The following SNTG1 variants were observed in gnomAD, a reference collection of about 807,000 sequenced individuals.
SNTG1 encodes syntrophin gamma 1.
SNTG1 carries 39 observed loss-of-function variants against 74.7 expected under a neutral mutation model. The observed-to-expected ratio is 0.52, with a 90% CI of 0.40 to 0.68. The LOEUF is 0.68. Among genes scored for constraint, SNTG1 ranks in the 30% least tolerant of loss-of-function variants. The pLI is 0.00. For missense variants in SNTG1, 685 were observed against 609.5 expected, an observed-to-expected ratio of 1.12 and a Z score of -1.30; for synonymous variants, 254 against 217.1, an observed-to-expected ratio of 1.17 and a Z score of -1.49.
chr8:50,456,893 C>G (rs2093511483), intron 8 of SNTG1: 1 of 152,224 alleles, frequency 6.6e-6, no homozygotes, highest in South Asian at 2.1e-4. Context: ...GGTGAGCCTG[C>G]AATCCCTTCA....
rs534154650 is a variant in SNTG1, at chr8:49,956,405, A to C, written c.-103+44174A>C. 6.4e-4 allele frequency among the ~76,000 whole-genome samples: 98 copies of C among 152,292 alleles called. 1 individual carries two copies. Among genetic ancestry groups the C allele is most frequent in the African/African-American group, 2.2e-3 (90 of 41,564 alleles). The stretch of plus-strand genomic sequence containing the variant: ...TCAACTTTATTTTGCTATTTTATAC[A>C]GTGGTTCTAGCATATCTCCTCAGTG... On this transcript the variant is annotated intron_variant, in intron 1 of 18. Coordinates refer to ENST00000642720, the MANE Select transcript of SNTG1 (RefSeq NM_018967.5).
chr8:50,548,838 T>C (rs999193555), intron 11 of SNTG1, among the ~76,000 whole-genome samples: 2 of 152,192 alleles, frequency 1.3e-5, no homozygotes, highest in Non-Finnish European at 2.9e-5. Context: ...ATAATACAAC[T>C]GGTATTTTTA....
In SNTG1 at chr8:50,221,514, C is replaced by T. The variant is rs771702962; in HGVS notation, c.-28+48879C>T. On this transcript the variant is annotated intron_variant, in intron 2 of 18. Transcript: ENST00000642720. ...TGCTACCCCTCCCAACACACACATA[C>T]ACACACACACACACACACACACACA... Among the ~76,000 whole-genome samples, 206 of 64,406 alleles carry T rather than the reference C, an allele frequency of 3.2e-3. 1 individual carries two copies. The highest frequency in any genetic ancestry group is 5.9e-3 in the Non-Finnish European group (176 of 29,760). The allele number at this position is 64,406 out of a possible 152,430, so 42.3% of individuals were successfully genotyped here. A position where few individuals can be genotyped will look rare whatever the true frequency, so the allele number is the denominator to read the frequency against.
intron 1 of SNTG1, among the ~76,000 whole-genome samples, chr8:49,940,464 T>C (rs1205249111): frequency 2.0e-5 from 3 of 152,164 alleles, no homozygotes; most frequent in Admixed American, 2.0e-4. Context: ...CTGCTTTATC[T>C]CTTAACTTGA....
At chr8:50,713,505 A>G (rs1454969854) in intron 17 of SNTG1, among the ~76,000 whole-genome samples, 1 of 152,056 alleles carries the variant, frequency 6.6e-6, no homozygotes, top group Non-Finnish European at 1.5e-5. Flanking sequence ...TCTTTAGTTT[A>G]ATGAGATCCC....
chr8:50,264,865 A>G (rs1023327686), intron 2 of SNTG1, among the ~76,000 whole-genome samples: 3 of 152,056 alleles, frequency 2.0e-5, no homozygotes, highest in South Asian at 2.1e-4. Flanking sequence ...CTCTATGTCA[A>G]CAAATTAGAT....
At chr8:50,614,804 C>A (rs998683688) in intron 13 of SNTG1, among the ~76,000 whole-genome samples, 1 of 151,946 alleles carries the variant, frequency 6.6e-6, no homozygotes, top group Admixed American at 6.6e-5. Context: ...GTTCCATTAG[C>A]AAAACCATGA....
chr8:50,077,875 T>G (rs113885756), intron 1 of SNTG1, among the ~76,000 whole-genome samples: 3 of 152,196 alleles, frequency 2.0e-5, no homozygotes, highest in African/African-American at 7.2e-5. Context: ...AGTTTTATAG[T>G]TCCAACTCTT....
intron 5 of SNTG1, among the ~76,000 whole-genome samples, chr8:50,440,156 C>CCA (rs1215930817): frequency 2.0e-4 from 31 of 151,356 alleles, no homozygotes; most frequent in Admixed American, 6.6e-5. Context: ...CAATTATTGA[C>CCA]CAAAAAGTGG....
intron 8 of SNTG1, among the ~76,000 whole-genome samples, chr8:50,484,550 G>A (rs1411896906): frequency 6.6e-6 from 1 of 150,964 alleles, no homozygotes. Context: ...CTCTACTTCA[G>A]TATCCTGCCT....
intron 13 of SNTG1, among the ~76,000 whole-genome samples, chr8:50,611,152 T>C (rs571639924): frequency 1.1e-4 from 17 of 152,302 alleles, no homozygotes; most frequent in Middle Eastern, 3.4e-3. Flanking sequence ...AGTGGTTATA[T>C]GTACAAGAAT....
chr8:49,913,594 G>A (rs930404724), intron 1 of SNTG1, among the ~76,000 whole-genome samples: 1 of 152,178 alleles, frequency 6.6e-6, no homozygotes, highest in Non-Finnish European at 1.5e-5. Context: ...TGGGGGCTCC[G>A]TTGCCCTATA....
chr8:49,943,769 T>C (rs983834361), intron 1 of SNTG1, among the ~76,000 whole-genome samples: 1 of 152,250 alleles, frequency 6.6e-6, no homozygotes, highest in Non-Finnish European at 1.5e-5. Flanking sequence ...GAGTCTTTCT[T>C]GGAAAAGCAA....
intron 1 of SNTG1, among the ~76,000 whole-genome samples, chr8:49,948,414 T>C (rs1478961931): frequency 6.6e-6 from 1 of 152,196 alleles, no homozygotes; most frequent in Non-Finnish European, 1.5e-5. Context: ...AGATTGTAGA[T>C]CTATTGTTGT....
chr8:50,523,864 A>G (rs1179097140), intron 9 of SNTG1, among the ~76,000 whole-genome samples: 2 of 152,174 alleles, frequency 1.3e-5, no homozygotes, highest in African/African-American at 2.4e-5. Flanking sequence ...AGCAAAATCG[A>G]GCAAAATGTA....
chr8:50,233,802 T>C lies in SNTG1; in HGVS notation c.-28+61167T>C, dbSNP rs531647197. ...TGGCAAATAAGCACCTGATAGAATG[T>C]TAAACATCATTAAACTTTAAGGAAA... On this transcript the variant is annotated intron_variant, in intron 2 of 18. Coordinates refer to ENST00000642720, the MANE Select transcript of SNTG1 (RefSeq NM_018967.5). Among the ~76,000 whole-genome samples, 7 of 151,948 alleles carry C rather than the reference T, an allele frequency of 4.6e-5. No individual in the cohort carries two copies. In the South Asian group the frequency reaches 1.0e-3, roughly 22 times the overall value.
intron 13 of SNTG1, among the ~76,000 whole-genome samples, chr8:50,603,986 C>A (rs1364555319): frequency 6.6e-6 from 1 of 152,140 alleles, no homozygotes; most frequent in African/African-American, 2.4e-5. Flanking sequence ...CACCTAGGTT[C>A]ACTCAAAGCC....
intron 2 of SNTG1, among the ~76,000 whole-genome samples, chr8:50,391,384 T>A (rs1024773936): frequency 2.0e-5 from 3 of 152,124 alleles, no homozygotes; most frequent in Non-Finnish European, 4.4e-5. Context: ...TATTGATTTG[T>A]GTATGTTGAA....
intron 8 of SNTG1, among the ~76,000 whole-genome samples, chr8:50,479,863 ACAAAGGTTTGTCAATATTT>A (rs1181430812): frequency 2.6e-5 from 4 of 152,236 alleles, no homozygotes; most frequent in Non-Finnish European, 5.9e-5. Context: ...CCTGACAATT[ACAAAGGTTTGTCAATATTT>A]CAAGTTTTCC....
Sources: gnomAD v4.1 joint callset for allele counts (sites outside exome capture counted in the v4.1 genomes callset) on GRCh38, gnomAD v4.1.1 for gene constraint, MANE v1.5 for transcripts, NCBI Gene and HGNC (gene_info 2026-07-23, HGNC 2026-07-21) for gene names.